TMOD1: variants seen among roughly 807,000 people sequenced by gnomAD.
The protein encoded by TMOD1 is tropomodulin-1.
TMOD1 carries 17 observed loss-of-function variants against 40.6 expected under a neutral mutation model. The ratio of observed to expected loss-of-function variants is 0.42; its 90% CI spans 0.29 to 0.63. TMOD1 has a LOEUF of 0.63. Among genes scored for constraint, TMOD1 ranks in the 20% least tolerant of loss-of-function variants. The probability of loss-of-function intolerance (pLI) is 0.22; values close to 1 mark genes in which losing one functional copy is unlikely to be tolerated. For missense variants in TMOD1, 391 were observed against 447.6 expected, an observed-to-expected ratio of 0.87 and a Z score of 1.14; for synonymous variants, 181 against 175.0, an observed-to-expected ratio of 1.03 and a Z score of -0.27.
chr9:97,574,399 T>C (rs1830882651), intron 8 of TMOD1, among the ~76,000 whole-genome samples: 3 of 152,280 alleles, frequency 2.0e-5, no homozygotes, highest in South Asian at 4.1e-4. Flanking sequence ...CGCCGGGCCT[T>C]AGCTGCCTCC....
Position 97,502,225 on chromosome 9 carries a change from C to A in TMOD1, c.-49+422C>A, listed in dbSNP as rs980328500. ...GTGCTCAGCTGGGTACAGGTGCCAG[C>A]CGGAGCTGGGCTCGGGGGCGCGGCC... On this transcript the variant is annotated intron_variant, in intron 1 of 9. Transcript: ENST00000259365. This position sits in a 1 kb window ranked among gnomAD's most constrained non-coding sequence, Gnocchi z 6.1. Among the ~76,000 whole-genome samples, 1 of 152,150 alleles carries A rather than the reference C, an allele frequency of 6.6e-6. No homozygotes were observed. The highest frequency in any genetic ancestry group is 6.5e-5 in the Admixed American group (1 of 15,286).
chr9:97,510,077 C>T (rs117405241), intron 1 of TMOD1, among the ~76,000 whole-genome samples: 3 of 151,968 alleles, frequency 2.0e-5, no homozygotes, highest in African/African-American at 2.4e-5. Flanking sequence ...TGGTATTGTT[C>T]GTATTAATTT....
At chr9:97,541,968 G>A (rs1830282021) in intron 2 of TMOD1, among the ~76,000 whole-genome samples, 1 of 152,198 alleles carries the variant, frequency 6.6e-6, no homozygotes, top group South Asian at 2.1e-4. Flanking sequence ...CAGCACAAAT[G>A]TTTTTAATTT....
intron 8 of TMOD1, among the ~76,000 whole-genome samples, chr9:97,587,447 T>C (rs557705487): frequency 2.6e-5 from 4 of 152,352 alleles, no homozygotes; most frequent in African/African-American, 9.6e-5. Flanking sequence ...CATTGTGATT[T>C]TGATTTGCAT....
rs1826256760 is a variant in TMOD1 at position 97,601,423 on chromosome 9, T to C, written c.*1725T>C. The C allele has an allele frequency of 2.9e-6, 3 of 1,037,756 alleles. No homozygotes were observed. Among genetic ancestry groups the C allele is most frequent in the Admixed American group, 5.7e-5 (1 of 17,590 alleles). The allele number at this position is 1,037,756 out of a possible 1,614,324, so 64.3% of individuals were successfully genotyped here. A position where few individuals can be genotyped will look rare whatever the true frequency, so the allele number is the denominator to read the frequency against. On this transcript the variant is annotated 3_prime_UTR_variant, in exon 10 of 10. Transcript: ENST00000259365. ...TGGCTCAAATGTCACCGAGCTTATATGAAGCTCCCAGAGAGAACATTTAAA... is the reference window on the plus strand; with the variant it reads ...TGGCTCAAATGTCACCGAGCTTATACGAAGCTCCCAGAGAGAACATTTAAA...
intron 2 of TMOD1, among the ~76,000 whole-genome samples, chr9:97,525,282 C>T (rs1421686227): frequency 6.6e-6 from 1 of 151,970 alleles, no homozygotes; most frequent in African/African-American, 2.4e-5. Flanking sequence ...GCCAATACAC[C>T]AATAACAGTA....
intron 8 of TMOD1, among the ~76,000 whole-genome samples, chr9:97,590,477 C>T (rs906460457): frequency 1.4e-4 from 21 of 152,088 alleles, no homozygotes; most frequent in Non-Finnish European, 2.6e-4. Context: ...CTGCCCACCT[C>T]CGCCTCCCAA....
chr9:97,571,039 A>G (rs1270882771), intron 8 of TMOD1, among the ~76,000 whole-genome samples: 1 of 151,556 alleles, frequency 6.6e-6, no homozygotes, highest in Non-Finnish European at 1.5e-5. Context: ...TCCCTTAGCC[A>G]TTGCTGACTG....
intron 2 of TMOD1, among the ~76,000 whole-genome samples, chr9:97,544,532 T>C (rs1830330086): frequency 6.7e-6 from 1 of 150,054 alleles, no homozygotes; most frequent in Non-Finnish European, 1.5e-5. Flanking sequence ...AAAGACTCTG[T>C]CTCAAAAAAA....
At chr9:97,523,029 G>C (rs189567067) in intron 1 of TMOD1, among the ~76,000 whole-genome samples, 1 of 152,022 alleles carries the variant, frequency 6.6e-6, no homozygotes. Context: ...TGATGTCAGG[G>C]GTCCTGAGTC....
chr9:97,577,565 A>T (rs1233888081), intron 8 of TMOD1, among the ~76,000 whole-genome samples: 1 of 152,166 alleles, frequency 6.6e-6, no homozygotes, highest in Admixed American at 6.6e-5. Context: ...AGGTGGGTGG[A>T]TCACTTGAGG....
At chr9:97,586,437 A>T (rs1180313567) in intron 8 of TMOD1, among the ~76,000 whole-genome samples, 6 of 151,784 alleles carry the variant, frequency 4.0e-5, no homozygotes, top group East Asian at 3.9e-4. Flanking sequence ...TTAAGTCTGC[A>T]GAGGTTACTG....
chr9:97,572,667 C>T lies in TMOD1; in HGVS notation c.870+3630C>T, dbSNP rs1053654688. On this transcript the variant is annotated intron_variant, in intron 8 of 9. Coordinates refer to ENST00000259365, the MANE Select transcript of TMOD1 (RefSeq NM_003275.4). ...TTGATTTATTCCTTTATTCCTCATTCCTGGTTAGTCACCGAGGTCCTTGGA... is the reference window on the plus strand; with the variant it reads ...TTGATTTATTCCTTTATTCCTCATTTCTGGTTAGTCACCGAGGTCCTTGGA... Among the ~76,000 whole-genome samples, 29 of 152,268 alleles carry T rather than the reference C, an allele frequency of 1.9e-4. No individual in the cohort carries two copies. The Middle Eastern group carries it at 0.017, about 89-fold the overall frequency.
intron 9 of TMOD1, among the ~76,000 whole-genome samples, chr9:97,594,335 T>TC (rs1247118329): frequency 1.3e-5 from 2 of 152,258 alleles, no homozygotes; most frequent in Non-Finnish European, 2.9e-5. Context: ...TGGCAGTGCC[T>TC]CAGCTTCCTC....
At chr9:97,522,217 C>T (rs1032262095) in intron 1 of TMOD1, among the ~76,000 whole-genome samples, 14 of 152,192 alleles carry the variant, frequency 9.2e-5, no homozygotes, top group African/African-American at 2.9e-4. Context: ...ATCAAGGTGT[C>T]GGCAGTGTGG....
At chr9:97,587,023 C>A (rs934902187) in intron 8 of TMOD1, among the ~76,000 whole-genome samples, 1 of 152,224 alleles carries the variant, frequency 6.6e-6, no homozygotes, top group Admixed American at 6.5e-5. Context: ...GCCATCTTGG[C>A]TCCTCCCCAC....
chr9:97,574,254 C>T (rs1830875275), intron 8 of TMOD1, among the ~76,000 whole-genome samples: 1 of 151,936 alleles, frequency 6.6e-6, no homozygotes, highest in South Asian at 2.1e-4. Context: ...CTGTGCGCGG[C>T]GCTTGCGGGC....
At chr9:97,540,416 A>G (rs890866595) in intron 2 of TMOD1, among the ~76,000 whole-genome samples, 14 of 152,128 alleles carry the variant, frequency 9.2e-5, no homozygotes, top group Non-Finnish European at 1.9e-4. Flanking sequence ...CACCAATCCT[A>G]TCAGATCAGG....
rs146891886 is a variant in TMOD1 at position 97,601,739 on chromosome 9, T to C, written c.*2041T>C. On this transcript the variant is annotated 3_prime_UTR_variant, in exon 10 of 10. Transcript: ENST00000259365. ...GTTCAATAAACTATACAGTTGACCC[T>C]TGAACAATATGGGTTTGAACTGCAT... is the stretch of plus-strand genomic sequence containing the variant. 6.0e-3 allele frequency: 1,438 copies of C among 237,836 alleles called. 64 individuals carry two copies. In the Admixed American group the frequency reaches 0.076, roughly 13 times the overall value. The allele number at this position is 237,836 out of a possible 1,614,324, so 14.7% of individuals were successfully genotyped here.
Sources: allele counts gnomAD v4.1 joint callset (sites outside exome capture counted in the v4.1 genomes callset), GRCh38; gene constraint gnomAD v4.1.1; non-coding constraint Gnocchi (gnomAD v3.1); transcripts MANE v1.5; gene names NCBI Gene and HGNC (gene_info 2026-07-23, HGNC 2026-07-21).